Variants in KAZN observed in about 807,000 individuals in gnomAD.
KAZN encodes the protein kazrin, periplakin interacting protein, also known as kazrin.
KAZN carries 40 observed loss-of-function variants against 87.4 expected under a neutral mutation model. The ratio of observed to expected loss-of-function variants is 0.46; its 90% CI spans 0.36 to 0.60. KAZN has a LOEUF of 0.60. Among genes scored for constraint, KAZN ranks in the 20% least tolerant of loss-of-function variants. The pLI is 0.00. For synonymous variants in KAZN, 466 were observed against 458.3 expected, an observed-to-expected ratio of 1.02 and a Z score of -0.22; for missense variants, 898 against 1,073.9, an observed-to-expected ratio of 0.84 and a Z score of 2.29.
intron 1 of KAZN, among the ~76,000 whole-genome samples, chr1:14,712,387 T>A (rs1013041728): frequency 2.6e-5 from 4 of 152,182 alleles, no homozygotes; most frequent in African/African-American, 9.6e-5. Flanking sequence ...TTGTCTGTGT[T>A]TTGGCTCAAA....
chr1:14,596,401 T>C (rs1336897792), upstream of KAZN, among the ~76,000 whole-genome samples: 1 of 152,090 alleles, frequency 6.6e-6, no homozygotes, highest in South Asian at 2.1e-4. Context: ...AACATTCCCA[T>C]CCTCTCTATT....
intron 1 of KAZN, among the ~76,000 whole-genome samples, chr1:14,660,965 T>C (rs1296757812): frequency 2.0e-5 from 3 of 152,216 alleles, no homozygotes; most frequent in Non-Finnish European, 4.4e-5. Flanking sequence ...CACTGTACTT[T>C]CACCGGAGAC....
At chr1:14,109,130 G>C (rs1272406633) in intron 1 of KAZN, among the ~76,000 whole-genome samples, 1 of 152,188 alleles carries the variant, frequency 6.6e-6, no homozygotes, top group Non-Finnish European at 1.5e-5. Context: ...GGTACTGCCT[G>C]GGTACCGAAG....
chr1:14,884,552 G>A (rs1653832764), intron 1 of KAZN, among the ~76,000 whole-genome samples: 1 of 152,200 alleles, frequency 6.6e-6, no homozygotes, highest in Non-Finnish European at 1.5e-5. Context: ...TCCATATTAA[G>A]GACGTTCATT....
intron 2 of KAZN, among the ~76,000 whole-genome samples, chr1:14,301,463 G>A (rs1571257217): frequency 1.3e-5 from 2 of 152,168 alleles, no homozygotes; most frequent in African/African-American, 4.8e-5. Context: ...GCAAGCCACC[G>A]GGGTAGTGTA....
At chr1:14,367,308 C>T (rs1484407801) in intron 2 of KAZN, among the ~76,000 whole-genome samples, 3 of 152,038 alleles carry the variant, frequency 2.0e-5, no homozygotes, top group East Asian at 1.9e-4. Context: ...CCCTGAAGTC[C>T]GGCTACCTGC....
chr1:14,359,357 A>G (rs1659311634), intron 2 of KAZN, among the ~76,000 whole-genome samples: 1 of 151,778 alleles, frequency 6.6e-6, no homozygotes. Context: ...TCTCCTGAAT[A>G]CAGCACACTG....
At chr1:14,145,304 G>A (rs1210718341) in intron 1 of KAZN, among the ~76,000 whole-genome samples, 1 of 152,024 alleles carries the variant, frequency 6.6e-6, no homozygotes, top group Non-Finnish European at 1.5e-5. Context: ...AATTAGCCGG[G>A]CATGGTGGCA....
chr1:13,985,024 T>C (rs1638942706), intron 1 of KAZN, among the ~76,000 whole-genome samples: 1 of 152,072 alleles, frequency 6.6e-6, no homozygotes, highest in African/African-American at 2.4e-5. Flanking sequence ...GAGATGGAGT[T>C]TAGCAGCAGC....
At chr1:13,961,000 T>G (rs1440363398) in intron 1 of KAZN, among the ~76,000 whole-genome samples, 1 of 152,186 alleles carries the variant, frequency 6.6e-6, no homozygotes, top group Non-Finnish European at 1.5e-5. Context: ...GAGCATCTAC[T>G]GTATGCCAGG....
chr1:14,046,310 A>C (rs554706394), intron 1 of KAZN, among the ~76,000 whole-genome samples: 1 of 152,342 alleles, frequency 6.6e-6, no homozygotes, highest in South Asian at 2.1e-4. Flanking sequence ...AATAGGAAAA[A>C]TACATCTGAA....
chr1:13,957,358 C>G (rs1291807104), intron 1 of KAZN, among the ~76,000 whole-genome samples: 3 of 152,158 alleles, frequency 2.0e-5, no homozygotes, highest in South Asian at 2.1e-4. Context: ...AGACAGGAAA[C>G]AGCTAAGCAA....
chr1:14,810,764 C>T (rs1646384367), intron 1 of KAZN, among the ~76,000 whole-genome samples: 2 of 152,154 alleles, frequency 1.3e-5, no homozygotes, highest in African/African-American at 2.4e-5. Context: ...AGAGGAGCGG[C>T]CTCCAGACCT....
intron 1 of KAZN, among the ~76,000 whole-genome samples, chr1:14,070,479 G>T (rs1347776909): frequency 6.6e-6 from 1 of 152,174 alleles, no homozygotes; most frequent in South Asian, 2.1e-4. Flanking sequence ...AGGCAGACAA[G>T]CAGCACAGAG....
intron 2 of KAZN, among the ~76,000 whole-genome samples, chr1:14,199,414 C>G (rs1346610701): frequency 6.6e-6 from 1 of 152,190 alleles, no homozygotes; most frequent in Non-Finnish European, 1.5e-5. Context: ...GTTTAAATGT[C>G]ACCTCTCGCA....
chr1:14,459,516 A>G (rs1667747989), intron 2 of KAZN, among the ~76,000 whole-genome samples: 1 of 152,188 alleles, frequency 6.6e-6, no homozygotes, highest in Non-Finnish European at 1.5e-5. Flanking sequence ...TCCCAGTTGC[A>G]ATCAATTGGT....
intron 2 of KAZN, among the ~76,000 whole-genome samples, chr1:14,586,539 T>G (rs1445706245): frequency 1.3e-5 from 2 of 150,764 alleles, no homozygotes; most frequent in Non-Finnish European, 3.0e-5. Context: ...TTTTTTTTTT[T>G]TTTTTTAGAG....
chr1:14,034,176 A>C (rs1350729179), intron 1 of KAZN, among the ~76,000 whole-genome samples: 1 of 152,218 alleles, frequency 6.6e-6, no homozygotes, highest in African/African-American at 2.4e-5. Flanking sequence ...TCAGGTGGCT[A>C]TACATAATGG....
chr1:13,991,800 T>C (rs1201799713), intron 1 of KAZN, among the ~76,000 whole-genome samples: 1 of 152,144 alleles, frequency 6.6e-6, no homozygotes, highest in Non-Finnish European at 1.5e-5. Flanking sequence ...GTTGACATGA[T>C]GCTTCCCAAC....
Sources: gnomAD v4.1 joint callset for allele counts (sites outside exome capture counted in the v4.1 genomes callset) on GRCh38, gnomAD v4.1.1 for gene constraint, MANE v1.5 for transcripts, NCBI Gene and HGNC (gene_info 2026-07-23, HGNC 2026-07-21) for gene names.